Variants in KCNJ8 observed in about 807,000 individuals in gnomAD.
The protein encoded by KCNJ8 is ATP-sensitive inward rectifier potassium channel 8.
A neutral mutation model predicts 28.2 loss-of-function variants in KCNJ8; 13 were observed. The ratio of observed to expected loss-of-function variants is 0.46; its 90% CI spans 0.30 to 0.73. KCNJ8 has a LOEUF of 0.73. Ranked by LOEUF, KCNJ8 falls within the 30% of genes least tolerant of loss-of-function variation. The pLI is 0.07. For missense variants in KCNJ8, 284 were observed against 542.6 expected (o/e 0.52, Z 4.73); for synonymous variants, 188 against 195.9 (o/e 0.96, Z 0.34).
At position 21,766,572 on chromosome 12, in the gene KCNJ8, C is replaced by T; in HGVS notation, c.426G>A (p.Gly142=). The T allele has an allele frequency of 6.2e-7, 1 of 1,605,382 alleles. No individual in the cohort carries two copies. Among genetic ancestry groups the T allele is most frequent in the South Asian group, 1.1e-5 (1 of 91,076 alleles). Residue 142 remains glycine (G), a synonymous_variant, in exon 3 of 3, where the codon GGG becomes GGA. Transcript: ENST00000240662. The surrounding 1 kb of genome is among the most constrained non-coding windows in gnomAD (Gnocchi z 6.5). ...LFSIEVQVTI[G]FGGRMMTEEC... ...CCTCTGTCATCATCCTCCCTCCAAA[C>T]CCAATGGTAACTTGAACTTCAATGG... is the stretch of plus-strand genomic sequence containing the variant.
At chr12:21,770,551 T>C (rs1940734545) in intron 2 of KCNJ8, among the ~76,000 whole-genome samples, 1 of 152,186 alleles carries the variant, frequency 6.6e-6, no homozygotes, top group African/African-American at 2.4e-5. Flanking sequence ...ACCAAGAAGT[T>C]GTAGGATTTT....
Position 21,773,182 on chromosome 12 carries a change from G to T in KCNJ8, c.374+61C>A. 6.5e-7 allele frequency: 1 copy of T among 1,545,596 alleles called. No individual in the cohort carries two copies. The highest frequency in any genetic ancestry group is 8.9e-7 in the Non-Finnish European group (1 of 1,126,368). ...TAAATAACAGAATGATAAGAGAAAGGGCATTTTGACATTTTTTCTCTACTG... is the reference window on the plus strand; with the variant it reads ...TAAATAACAGAATGATAAGAGAAAGTGCATTTTGACATTTTTTCTCTACTG... On this transcript the variant is annotated intron_variant, in intron 2 of 2. Coordinates refer to ENST00000240662, the MANE Select transcript of KCNJ8 (RefSeq NM_004982.4). The surrounding 1 kb of genome is among the most constrained non-coding windows in gnomAD (Gnocchi z 4.6).
Position 21,765,862 on chromosome 12 carries a change from G to C in KCNJ8, c.1136C>G (p.Ser379Cys). The C allele has an allele frequency of 6.2e-7, 1 of 1,614,196 alleles. No individual in the cohort carries two copies. Among genetic ancestry groups the C allele is most frequent in the Non-Finnish European group, 8.5e-7 (1 of 1,180,024 alleles). ...TCTCATGGAGTTGCGCTTCCTCAGA[G>C]AATTTTGATGAGACAGTTCACTCTT... ...LQKSELSHQN[S>C]LRKRNSMRRN... The change falls in exon 3 of 3, where the codon TCT (serine) becomes TGT (cysteine). Residue 379 changes from serine (S) to cysteine (C), a missense_variant. Physicochemically the swap from Ser to Cys is moderately radical, Grantham distance 112. Transcript: ENST00000240662.
chr12:21,765,944 G>T lies in KCNJ8; in HGVS notation c.1054C>A (p.Arg352=). ...FGNTVKVAAP[R]CSARELDEKP... Reference sequence around the variant, plus strand: ...TCATCCAGCTCTCGGGCACTGCACCGTGGAGCAGCTACTTTAACAGTGTTG... The same window carrying T: ...TCATCCAGCTCTCGGGCACTGCACCTTGGAGCAGCTACTTTAACAGTGTTG... Residue 352 remains arginine, a synonymous_variant, in exon 3 of 3, where the codon CGG becomes AGG. Coordinates refer to ENST00000240662, the MANE Select transcript of KCNJ8 (RefSeq NM_004982.4). 4.3e-6 allele frequency: 7 copies of T among 1,614,096 alleles called. No homozygotes were observed. The highest frequency in any genetic ancestry group is 5.1e-6 in the Non-Finnish European group (6 of 1,179,948).
chr12:21,769,554 G>T (rs571398251), intron 2 of KCNJ8, among the ~76,000 whole-genome samples: 1 of 152,252 alleles, frequency 6.6e-6, no homozygotes, highest in African/African-American at 2.4e-5. Context: ...GGCTATTGCT[G>T]ACATAGATAG....
chr12:21,771,577 C>T (rs1259520908), intron 2 of KCNJ8, among the ~76,000 whole-genome samples: 4 of 152,068 alleles, frequency 2.6e-5, no homozygotes, highest in Non-Finnish European at 4.4e-5. Context: ...AATGTTGTTT[C>T]CAATTTTAGT....
chr12:21,765,468 A>T lies in KCNJ8; in HGVS notation c.*255T>A, dbSNP rs7310043. Reference sequence around the variant, plus strand: ...GTGTTTCAAATTGAGAGAAACGAGCATACCCACCCCTGCACATAACTTAAG... The same window carrying T: ...GTGTTTCAAATTGAGAGAAACGAGCTTACCCACCCCTGCACATAACTTAAG... On this transcript the variant is annotated 3_prime_UTR_variant, in exon 3 of 3. Coordinates refer to ENST00000240662, the MANE Select transcript of KCNJ8 (RefSeq NM_004982.4). 6,919 of 527,194 alleles carry T rather than the reference A, an allele frequency of 0.013. 404 individuals are homozygous for T. Among genetic ancestry groups the T allele is most frequent in the African/African-American group, 0.12 (6,249 of 52,252 alleles). The allele number at this position is 527,194 out of a possible 1,614,324, so 32.7% of individuals were successfully genotyped here. A position where few individuals can be genotyped will look rare whatever the true frequency, so the allele number is the denominator to read the frequency against.
In KCNJ8 at chr12:21,774,668, T is replaced by C. The variant is rs796834394; in HGVS notation, c.-193A>G. The C allele has an allele frequency of 7.0e-4, 107 of 152,140 alleles. No individual in the cohort carries two copies. Among genetic ancestry groups the C allele is most frequent in the African/African-American group, 2.3e-3 (97 of 41,464 alleles). 9.4% of individuals were successfully genotyped at this position (152,140 alleles called of 1,614,324 possible). A position where few individuals can be genotyped will look rare whatever the true frequency, so the allele number is the denominator to read the frequency against. The stretch of plus-strand genomic sequence containing the variant: ...GGGCCGCCCAGGCCGGAGGGACAAA[T>C]TGGGGGCTGCGTGTCCTAAGGAGAA... On this transcript the variant is annotated 5_prime_UTR_variant, in exon 1 of 3. Coordinates refer to ENST00000240662, the MANE Select transcript of KCNJ8 (RefSeq NM_004982.4).
rs368814940 is a variant in KCNJ8 at position 21,773,222 on chromosome 12, C to T, written c.374+21G>A. 3.4e-5 allele frequency: 54 copies of T among 1,611,894 alleles called. No homozygotes were observed. The African/African-American group carries it at 5.7e-4, about 17-fold the overall frequency. ...TTTCTCTACTGTTTTCAACCCCTGC[C>T]TCATCCCACTACATTCTTACCTGAC... is the stretch of plus-strand genomic sequence containing the variant. On this transcript the variant is annotated intron_variant, in intron 2 of 2. Coordinates refer to ENST00000240662, the MANE Select transcript of KCNJ8 (RefSeq NM_004982.4). The surrounding 1 kb of genome is among the most constrained non-coding windows in gnomAD (Gnocchi z 4.6).
At position 21,766,534 on chromosome 12, in the gene KCNJ8, G is replaced by A; in HGVS notation, c.464C>T (p.Ala155Val). The A allele has an allele frequency of 6.2e-7, 1 of 1,611,258 alleles. No individual in the cohort carries two copies. ...ATTCTGGAGAATCAAAACCGTGATGGCCAAAGGGCATTCCTCTGTCATCAT... is the reference window on the plus strand; with the variant it reads ...ATTCTGGAGAATCAAAACCGTGATGACCAAAGGGCATTCCTCTGTCATCAT... ...GRMMTEECPL[A>V]ITVLILQNIV... Residue 155 changes from alanine (A) to valine (V), a missense_variant, in exon 3 of 3, where the codon GCC (alanine) becomes GTC (valine). Ala to Val is a moderately conservative substitution (Grantham distance 64). This residue lies in a region of KCNJ8 where 16 missense variants were observed against 25.2 expected (regional missense o/e 0.64). Coordinates refer to ENST00000240662, the MANE Select transcript of KCNJ8 (RefSeq NM_004982.4). This position sits in a 1 kb window ranked among gnomAD's most constrained non-coding sequence, Gnocchi z 6.5.
At chr12:21,771,789 C>T (rs1186508355) in intron 2 of KCNJ8, among the ~76,000 whole-genome samples, 1 of 151,856 alleles carries the variant, frequency 6.6e-6, no homozygotes, top group East Asian at 1.9e-4. Flanking sequence ...ATTATCAGTG[C>T]CAGTAAGTTT....
intron 2 of KCNJ8, among the ~76,000 whole-genome samples, chr12:21,767,449 C>T (rs1169201739): frequency 2.6e-5 from 4 of 152,006 alleles, no homozygotes; most frequent in African/African-American, 7.2e-5. Flanking sequence ...AGTGGAGGCA[C>T]TGGATTCTCA....
In KCNJ8 at chr12:21,770,652, C is replaced by T. The variant is rs558567753; in HGVS notation, c.374+2591G>A. Reference sequence around the variant, plus strand: ...GCTGAGGTTGGATCTGGGTAAGATGCTTTTGAAAAGTTCTCAGGGGATTCT... The same window carrying T: ...GCTGAGGTTGGATCTGGGTAAGATGTTTTTGAAAAGTTCTCAGGGGATTCT... On this transcript the variant is annotated intron_variant, in intron 2 of 2. Transcript: ENST00000240662. Among the ~76,000 whole-genome samples, 10 of 152,312 alleles carry T rather than the reference C, an allele frequency of 6.6e-5. No individual in the cohort carries two copies. In the East Asian group the frequency reaches 1.9e-3, roughly 29 times the overall value.
intron 2 of KCNJ8, among the ~76,000 whole-genome samples, chr12:21,769,739 T>C (rs1405534246): frequency 1.3e-5 from 2 of 152,210 alleles, no homozygotes; most frequent in Admixed American, 6.5e-5. Context: ...AGGGGTTCAA[T>C]ACTTCAGTGG....
At chr12:21,769,476 T>C (rs758872793) in intron 2 of KCNJ8, among the ~76,000 whole-genome samples, 6 of 152,212 alleles carry the variant, frequency 3.9e-5, no homozygotes, top group Admixed American at 6.5e-5. Flanking sequence ...ACATCCATTC[T>C]ACAGCCATGA....
rs2137051972 is a variant in KCNJ8, at chr12:21,773,409, G to A, written c.208C>T (p.Arg70Cys). Reference protein sequence around the residue: ...IFTTLVDLKWRHTLVIFTMSF... With the variant: ...IFTTLVDLKWCHTLVIFTMSF... The stretch of plus-strand genomic sequence containing the variant: ...ATGGTAAAGATGACCAGCGTGTGGC[G>A]CCATTTCAGGTCCACCAAGGTGGTG... The change falls in exon 2 of 3, where the codon CGC (arginine) becomes TGC (cysteine). Residue 70 changes from arginine (R) to cysteine (C), a missense_variant. This residue lies in a region of KCNJ8 where 9 missense variants were observed against 42.8 expected (regional missense o/e 0.21). Coordinates refer to ENST00000240662, the MANE Select transcript of KCNJ8 (RefSeq NM_004982.4). This position sits in a 1 kb window ranked among gnomAD's most constrained non-coding sequence, Gnocchi z 4.6. 1.2e-6 allele frequency: 2 copies of A among 1,614,230 alleles called. No homozygotes were observed. Among genetic ancestry groups the A allele is most frequent in the Non-Finnish European group, 1.7e-6 (2 of 1,180,048 alleles).
intron 2 of KCNJ8, among the ~76,000 whole-genome samples, chr12:21,770,803 AT>A (rs972767255): frequency 3.3e-4 from 50 of 152,288 alleles, no homozygotes; most frequent in Middle Eastern, 3.4e-3. Context: ...CCCAACCACA[AT>A]TTCAAACTTC....
intron 2 of KCNJ8, among the ~76,000 whole-genome samples, chr12:21,772,047 T>C (rs1282050959): frequency 6.6e-6 from 1 of 152,192 alleles, no homozygotes; most frequent in Non-Finnish European, 1.5e-5. Context: ...CTGAAATCTG[T>C]GGTGTGTGAT....
Position 21,765,477 on chromosome 12 carries a change from C to T in KCNJ8, c.*246G>A. The T allele has an allele frequency of 1.8e-6, 1 of 545,072 alleles. No homozygotes were observed. The highest frequency in any genetic ancestry group is 3.3e-6 in the Non-Finnish European group (1 of 303,186). 33.8% of individuals were successfully genotyped at this position (545,072 alleles called of 1,614,324 possible). A position where few individuals can be genotyped will look rare whatever the true frequency, so the allele number is the denominator to read the frequency against. ...ATTGAGAGAAACGAGCATACCCACC[C>T]CTGCACATAACTTAAGTATATCACT... On this transcript the variant is annotated 3_prime_UTR_variant, in exon 3 of 3. Transcript: ENST00000240662.
Sources: allele counts gnomAD v4.1 joint callset (sites outside exome capture counted in the v4.1 genomes callset), GRCh38; gene constraint gnomAD v4.1.1; regional missense constraint gnomAD v4.1.1; non-coding constraint Gnocchi (gnomAD v3.1); transcripts MANE v1.5; gene names NCBI Gene and HGNC (gene_info 2026-07-23, HGNC 2026-07-21).